PRDM16: variants seen among roughly 807,000 people sequenced by gnomAD.
The protein encoded by PRDM16 is histone-lysine N-methyltransferase PRDM16.
A neutral mutation model predicts 110.6 loss-of-function variants in PRDM16; 23 were observed. The observed-to-expected ratio is 0.21, with a 90% confidence interval of 0.15 to 0.29. The LOEUF is 0.29. PRDM16 is among the 10% of genes least tolerant of loss of function. The probability of loss-of-function intolerance (pLI) is 1.00; values close to 1 mark genes in which losing one functional copy is unlikely to be tolerated. For synonymous variants in PRDM16, 799 were observed against 781.8 expected, an observed-to-expected ratio of 1.02 and a Z score of -0.37; for missense variants, 1,615 against 1,794.3, an observed-to-expected ratio of 0.90 and a Z score of 1.81.
chr1:3,419,520 G>T (rs1017387044), intron 12 of PRDM16, among the ~76,000 whole-genome samples: 1 of 152,184 alleles, frequency 6.6e-6, no homozygotes, highest in Non-Finnish European at 1.5e-5. Context: ...TTAAGCGAGA[G>T]CCCCAGACAA....
At chr1:3,351,787 C>T (rs999432964) in intron 3 of PRDM16, among the ~76,000 whole-genome samples, 1 of 137,568 alleles carries the variant, frequency 7.3e-6, no homozygotes, top group African/African-American at 2.8e-5. Flanking sequence ...CTCTCTCTTG[C>T]TCTCTCTCAC....
Position 3,414,559 on chromosome 1 carries a change from G to C in PRDM16, c.2604-1G>C. ...ACGTAACCCTCTGTGCTGTTGTCCA[G>C]CAGGGTAGAAAAGCGGAAGGTCACA... is the stretch of plus-strand genomic sequence containing the variant. On this transcript the variant is annotated splice_acceptor_variant, in intron 9 of 16. Coordinates refer to ENST00000270722, the MANE Select transcript of PRDM16 (RefSeq NM_022114.4). LOFTEE classifies it high-confidence loss of function. 1 of 1,612,322 alleles carries C rather than the reference G, an allele frequency of 6.2e-7. No homozygotes were observed.
chr1:3,087,171 G>C (rs947279419), intron 1 of PRDM16, among the ~76,000 whole-genome samples: 1 of 148,454 alleles, frequency 6.7e-6, no homozygotes, highest in Non-Finnish European at 1.5e-5. Flanking sequence ...GTGCTGGTCA[G>C]CCCCACCCGA....
chr1:3,102,473 C>T (rs571482092), intron 1 of PRDM16, among the ~76,000 whole-genome samples: 21 of 152,294 alleles, frequency 1.4e-4, no homozygotes, highest in East Asian at 9.7e-4. Context: ...TCCTCAAAAC[C>T]GCATCCCCAT....
intron 3 of PRDM16, among the ~76,000 whole-genome samples, chr1:3,317,137 C>T (rs1355238442): frequency 6.6e-6 from 1 of 152,220 alleles, no homozygotes; most frequent in Non-Finnish European, 1.5e-5. Flanking sequence ...AGGTTGTCCA[C>T]AGACGCGCCC....
At chr1:3,241,660 G>A (rs971466947) in intron 2 of PRDM16, among the ~76,000 whole-genome samples, 2 of 152,262 alleles carry the variant, frequency 1.3e-5, no homozygotes, top group Non-Finnish European at 2.9e-5. Context: ...GTCAGACTCC[G>A]CCAGAAAGGC....
chr1:3,269,793 A>AGGAGGGGCATAATCCTG (rs1213032232), intron 3 of PRDM16, among the ~76,000 whole-genome samples: 3 of 101,882 alleles, frequency 2.9e-5, no homozygotes, highest in African/African-American at 6.3e-5. Context: ...GGAAAGTCTC[A>AGGAGGGGCATAATCCTG]GAGGAGGACA....
At chr1:3,431,902 CAG>C in intron 15 of PRDM16, 62 bp from the exon 16 acceptor site, 1 of 1,553,496 alleles carries the variant, frequency 6.4e-7, no homozygotes, top group Admixed American at 1.7e-5. Context: ...CTTGCAGCAT[CAG>C]AGAGGCGGCC....
rs1271175469 is a variant in PRDM16 at position 3,434,629 on chromosome 1, C to T, written c.*818C>T. On this transcript the variant is annotated 3_prime_UTR_variant, in exon 17 of 17. Transcript: ENST00000270722. ...GAGGCTGGGATGGGAAGTGTGCCTGCCCTCGTGTGACATGGAATTGGTGTC... is the reference window on the plus strand; with the variant it reads ...GAGGCTGGGATGGGAAGTGTGCCTGTCCTCGTGTGACATGGAATTGGTGTC... 4.3e-6 allele frequency: 1 copy of T among 232,320 alleles called. No individual in the cohort carries two copies. Among genetic ancestry groups the T allele is most frequent in the Non-Finnish European group, 8.5e-6 (1 of 117,500 alleles). The allele number at this position is 232,320 out of a possible 1,614,324, so 14.4% of individuals were successfully genotyped here. A position where few individuals can be genotyped will look rare whatever the true frequency, so the allele number is the denominator to read the frequency against.
Position 3,186,216 on chromosome 1 carries a change from G to A in PRDM16, c.129G>A (p.Met43Ile), listed in dbSNP as rs1170712675. The stretch of plus-strand genomic sequence containing the variant: ...AGGACGAGGCCGAGGACAGTGCCAT[G>A]TCGCCCATCCCCGTGGGGCCACCGT... ...SAEDEAEDSA[M>I]SPIPVGPPSP... The change falls in exon 2 of 17, where the codon ATG becomes ATA. Residue 43 changes from methionine (M) to isoleucine (I), a missense_variant. Around this residue, in one of 5 missense-constraint regions of PRDM16, gnomAD observed 416 missense variants for 467.1 expected, o/e 0.89. Coordinates refer to ENST00000270722, the MANE Select transcript of PRDM16 (RefSeq NM_022114.4). 1 of 1,612,824 alleles carries A rather than the reference G, an allele frequency of 6.2e-7. No individual in the cohort carries two copies. The highest frequency in any genetic ancestry group is 1.1e-5 in the South Asian group (1 of 91,068).
chr1:3,161,813 A>G (rs1643899656), intron 1 of PRDM16, among the ~76,000 whole-genome samples: 1 of 152,244 alleles, frequency 6.6e-6, no homozygotes, highest in African/African-American at 2.4e-5. Flanking sequence ...TCCTGGGTGC[A>G]GGATCTGGTG....
At chr1:3,077,778 C>G (rs1403709052) in intron 1 of PRDM16, among the ~76,000 whole-genome samples, 1 of 152,148 alleles carries the variant, frequency 6.6e-6, no homozygotes, top group East Asian at 1.9e-4. Flanking sequence ...CGTGGACCAC[C>G]AGCACTGTAT....
chr1:3,424,547 G>T (rs1638537651), intron 12 of PRDM16, among the ~76,000 whole-genome samples: 1 of 152,272 alleles, frequency 6.6e-6, no homozygotes, highest in Non-Finnish European at 1.5e-5. Flanking sequence ...CGTGCACGGT[G>T]CAGGCCGGCA....
At chr1:3,347,202 G>T (rs887762831) in intron 3 of PRDM16, among the ~76,000 whole-genome samples, 2 of 152,236 alleles carry the variant, frequency 1.3e-5, no homozygotes, top group African/African-American at 4.8e-5. Context: ...CTGGATGATG[G>T]TCTTTCCACA....
chr1:3,137,921 T>C (rs979677704), intron 1 of PRDM16, among the ~76,000 whole-genome samples: 1 of 152,194 alleles, frequency 6.6e-6, no homozygotes, highest in African/African-American at 2.4e-5. Context: ...TTGTGCTAAA[T>C]GTCCCACGAT....
intron 3 of PRDM16, among the ~76,000 whole-genome samples, chr1:3,249,646 A>G (rs1351332660): frequency 6.6e-6 from 1 of 152,148 alleles, no homozygotes; most frequent in East Asian, 1.9e-4. Context: ...TATGAAATCC[A>G]AGTGTGTTTA....
chr1:3,334,620 A>G (rs1642107635), intron 3 of PRDM16, among the ~76,000 whole-genome samples: 1 of 151,892 alleles, frequency 6.6e-6, no homozygotes, highest in Admixed American at 6.5e-5. Context: ...GGCTGTGCCC[A>G]GTGGAGGAGA....
chr1:3,128,741 C>T (rs1160222384), intron 1 of PRDM16, among the ~76,000 whole-genome samples: 2 of 152,178 alleles, frequency 1.3e-5, no homozygotes, highest in African/African-American at 4.8e-5. Context: ...GGCTGTTTTC[C>T]GGTGGTGGCA....
intron 14 of PRDM16, among the ~76,000 whole-genome samples, chr1:3,426,681 A>G (rs7549050): frequency 0.12 from 18,179 of 152,248 alleles, 1,134 homozygotes; most frequent in Non-Finnish European, 0.13. Flanking sequence ...CCCCGTGTAC[A>G]TGTACACATT....
Sources: allele counts gnomAD v4.1 joint callset (sites outside exome capture counted in the v4.1 genomes callset), GRCh38; gene constraint gnomAD v4.1.1; regional missense constraint gnomAD v4.1.1; transcripts MANE v1.5; gene names NCBI Gene and HGNC (gene_info 2026-07-23, HGNC 2026-07-21).